The following LRRC37A2 variants were observed in gnomAD, a reference collection of about 807,000 sequenced individuals.
LRRC37A2 encodes leucine rich repeat containing 37 member A2, also known as leucine-rich repeat-containing protein 37A2.
LRRC37A2 carries 9 observed loss-of-function variants against 68.8 expected under a neutral mutation model. The ratio of observed to expected loss-of-function variants is 0.13; its 90% confidence interval spans 0.08 to 0.23. The LOEUF is 0.23. LRRC37A2 is among the 10% of genes least tolerant of loss of function. The pLI, the probability that LRRC37A2 is intolerant of heterozygous loss-of-function variation, is 1.00. For missense variants in LRRC37A2, 168 were observed against 950.4 expected (o/e 0.18, Z 10.82); for synonymous variants, 63 against 367.6 (o/e 0.17, Z 9.48).
the LRRC37A2 span, among the ~76,000 whole-genome samples, chr17:46,777,495 G>A: frequency 2.0e-5 from 3 of 152,258 alleles, no homozygotes; most frequent in Non-Finnish European, 4.4e-5. Flanking sequence ...TCAAAGGTCG[G>A]AGTGCTTCCC....
At chr17:46,955,871 A>T in the LRRC37A2 span, among the ~76,000 whole-genome samples, 1 of 151,756 alleles carries the variant, frequency 6.6e-6, no homozygotes, top group African/African-American at 2.4e-5. Flanking sequence ...CTACCAACTG[A>T]CTCTCCTGAA....
At chr17:47,003,527 T>C in the LRRC37A2 span, among the ~76,000 whole-genome samples, 1 of 152,194 alleles carries the variant, frequency 6.6e-6, no homozygotes, top group Non-Finnish European at 1.5e-5. Context: ...GCCCAATGCA[T>C]GGGGACTGGT....
At chr17:46,838,954 T>A in the LRRC37A2 span, among the ~76,000 whole-genome samples, 1 of 152,108 alleles carries the variant, frequency 6.6e-6, no homozygotes, top group South Asian at 2.1e-4. Flanking sequence ...CTTGGCTCAC[T>A]GCAACCTCTT....
At chr17:46,815,687 G>A in the LRRC37A2 span, among the ~76,000 whole-genome samples, 5 of 152,162 alleles carry the variant, frequency 3.3e-5, no homozygotes, top group Admixed American at 3.3e-4. Flanking sequence ...ACCTCAGAGA[G>A]AAGGGCCAGT....
At chr17:46,915,179 A>G in the LRRC37A2 span, among the ~76,000 whole-genome samples, 4 of 152,224 alleles carry the variant, frequency 2.6e-5, no homozygotes, top group African/African-American at 9.6e-5. Context: ...ACACAGTAGG[A>G]TTCAGCTGAC....
the LRRC37A2 span, among the ~76,000 whole-genome samples, chr17:46,499,337 G>GGGC: frequency 2.2e-5 from 3 of 139,502 alleles, no homozygotes; most frequent in Non-Finnish European, 4.6e-5. Context: ...AAAAAAAAAG[G>GGGC]TGGGGGGACA....
At chr17:46,492,689 GTT>G in the LRRC37A2 span, among the ~76,000 whole-genome samples, 65 of 107,788 alleles carry the variant, frequency 6.0e-4, no homozygotes, top group African/African-American at 2.5e-3. Flanking sequence ...GTTTTGTTTT[GTT>G]TTTTTTTTTT....
chr17:46,778,685 G>A, the LRRC37A2 span, among the ~76,000 whole-genome samples: 6 of 152,332 alleles, frequency 3.9e-5, no homozygotes, highest in African/African-American at 1.2e-4. Flanking sequence ...GTGCCAAAGT[G>A]TGCGTGGCTT....
At chr17:46,772,417 G>A in the LRRC37A2 span, among the ~76,000 whole-genome samples, 9 of 152,248 alleles carry the variant, frequency 5.9e-5, no homozygotes, top group Non-Finnish European at 1.3e-4. Flanking sequence ...GCGATCAGAG[G>A]TGACTCGCTT....
At chr17:46,953,750 A>G in the LRRC37A2 span, among the ~76,000 whole-genome samples, 1 of 152,200 alleles carries the variant, frequency 6.6e-6, no homozygotes, top group African/African-American at 2.4e-5. Flanking sequence ...GTGAGATGGT[A>G]TCTCATTGTG....
At chr17:46,751,122 A>C in the LRRC37A2 span, among the ~76,000 whole-genome samples, 2 of 152,214 alleles carry the variant, frequency 1.3e-5, no homozygotes, top group South Asian at 4.1e-4. Context: ...CAGGTTACCC[A>C]TGTAGACAGC....
At chr17:46,679,715 T>C in the LRRC37A2 span, among the ~76,000 whole-genome samples, 2 of 150,886 alleles carry the variant, frequency 1.3e-5, no homozygotes, top group African/African-American at 4.9e-5. Flanking sequence ...AAGAAGCTAA[T>C]AATGTTAGTT....
chr17:46,915,445 AT>A, the LRRC37A2 span, among the ~76,000 whole-genome samples: 1 of 152,180 alleles, frequency 6.6e-6, no homozygotes, highest in African/African-American at 2.4e-5. Flanking sequence ...CTTCTTTCAT[AT>A]TCTGTTGGTC....
the LRRC37A2 span, among the ~76,000 whole-genome samples, chr17:46,979,867 A>G: frequency 1.7e-5 from 2 of 119,984 alleles, no homozygotes; most frequent in African/African-American, 5.9e-5. Context: ...TTACTCTAAA[A>G]CTTTATAATC....
the LRRC37A2 span, chr17:46,923,142 A>C: frequency 8.1e-7 from 1 of 1,233,082 alleles, no homozygotes; most frequent in Non-Finnish European, 1.2e-6. Flanking sequence ...GGCTGTGAGG[A>C]CGTGTTCCGA....
the LRRC37A2 span, among the ~76,000 whole-genome samples, chr17:46,635,820 C>T: frequency 3.0e-4 from 9 of 29,654 alleles, no homozygotes; most frequent in East Asian, 3.8e-3. Context: ...TGTGTGTGTG[C>T]TCGTGTGTGA....
At chr17:46,768,947 G>C in the LRRC37A2 span, 3 of 1,264,470 alleles carry the variant, frequency 2.4e-6, no homozygotes, top group Non-Finnish European at 3.2e-6. This position sits in a 1 kb window ranked among gnomAD's most constrained non-coding sequence, Gnocchi z 5.0. Context: ...ACTGAGGCAA[G>C]ACCTAAAGAA....
chr17:46,853,248 C>G, the LRRC37A2 span, among the ~76,000 whole-genome samples: 2 of 151,640 alleles, frequency 1.3e-5, no homozygotes, highest in African/African-American at 4.8e-5. Flanking sequence ...CTCTCAGTCT[C>G]TCAATCTGTA....
chr17:46,938,671 A>T, the LRRC37A2 span: 1 of 1,613,920 alleles, frequency 6.2e-7, no homozygotes, highest in Non-Finnish European at 8.5e-7. Context: ...GCTCATCGAG[A>T]AGCGGGCTTT....
Sources: gnomAD v4.1 joint callset for allele counts (sites outside exome capture counted in the v4.1 genomes callset) on GRCh38, gnomAD v4.1.1 for gene constraint, Gnocchi (gnomAD v3.1) non-coding constraint, MANE v1.5 for transcripts, NCBI Gene and HGNC (gene_info 2026-07-23, HGNC 2026-07-21) for gene names.